ROBO2: variants seen among roughly 807,000 people sequenced by gnomAD.
ROBO2 encodes roundabout homolog 2.
ROBO2 carries 53 observed loss-of-function variants against 160.8 expected under a neutral mutation model. That is an observed-to-expected ratio of 0.33 (90% CI 0.26 to 0.41). The LOEUF (loss-of-function observed/expected upper bound fraction) is 0.41. Among genes scored for constraint, ROBO2 ranks in the 10% least tolerant of loss-of-function variants. The pLI is 1.00. For synonymous variants in ROBO2, 664 were observed against 611.7 expected (o/e 1.09, Z -1.26); for missense variants, 1,577 against 1,722.4 (o/e 0.92, Z 1.49).
intron 2 of ROBO2, among the ~76,000 whole-genome samples, chr3:76,648,894 A>G (rs948539186): frequency 2.6e-5 from 4 of 152,102 alleles, no homozygotes; most frequent in African/African-American, 9.6e-5. Flanking sequence ...TTTTATTTGT[A>G]AAATTAAAGT....
chr3:76,637,108 A>C (rs1210713156), intron 2 of ROBO2, among the ~76,000 whole-genome samples: 1 of 152,080 alleles, frequency 6.6e-6, no homozygotes, highest in Non-Finnish European at 1.5e-5. Flanking sequence ...GGTTATTTTA[A>C]CATCTCCAGC....
intron 2 of ROBO2, among the ~76,000 whole-genome samples, chr3:77,349,591 C>G (rs752661386): frequency 2.0e-4 from 31 of 152,090 alleles, no homozygotes; most frequent in Non-Finnish European, 3.8e-4. Flanking sequence ...AAAGAAAGAA[C>G]ATTTTAATAA....
intron 2 of ROBO2, among the ~76,000 whole-genome samples, chr3:76,266,749 G>A (rs1245800781): frequency 2.6e-5 from 4 of 152,054 alleles, no homozygotes; most frequent in African/African-American, 9.7e-5. Context: ...ATCTTAAACA[G>A]TGAATGACTG....
chr3:76,261,896 G>C (rs1440276525), intron 2 of ROBO2, among the ~76,000 whole-genome samples: 9 of 152,134 alleles, frequency 5.9e-5, no homozygotes, highest in Non-Finnish European at 1.2e-4. Context: ...GTATTTTATA[G>C]AACAGGTAGC....
At chr3:75,959,537 TA>T (rs199738647) in intron 2 of ROBO2, among the ~76,000 whole-genome samples, 1,927 of 151,942 alleles carry the variant, frequency 0.013, 19 homozygotes, top group Non-Finnish European at 0.022. Flanking sequence ...GAATTACTTA[TA>T]ATTTTTGTTT....
At chr3:77,448,894 CAT>C in intron 2 of ROBO2, among the ~76,000 whole-genome samples, 1 of 151,962 alleles carries the variant, frequency 6.6e-6, no homozygotes, top group Non-Finnish European at 1.5e-5. Context: ...AAAAAAATCA[CAT>C]GAGAAAGTGT....
intron 2 of ROBO2, among the ~76,000 whole-genome samples, chr3:77,193,315 G>A (rs1261057761): frequency 2.0e-5 from 3 of 151,776 alleles, no homozygotes; most frequent in African/African-American, 7.3e-5. Context: ...TTGTTCTGTT[G>A]TCCAGACCAG....
At chr3:77,219,468 GTATATATATATATATAATCTGTATATATA>G (rs2085466384) in intron 2 of ROBO2, among the ~76,000 whole-genome samples, 2 of 122,238 alleles carry the variant, frequency 1.6e-5, no homozygotes, top group African/African-American at 3.0e-5. Context: ...ATGTATCTGT[GTATATATATATATATAATCTGTATATATA>G]TATATATATA....
chr3:76,997,482 T>C (rs1160481276), intron 2 of ROBO2, among the ~76,000 whole-genome samples: 1 of 152,182 alleles, frequency 6.6e-6, no homozygotes, highest in East Asian at 1.9e-4. Context: ...GATCCTTCCG[T>C]ATGATGCTAA....
intron 2 of ROBO2, among the ~76,000 whole-genome samples, chr3:76,277,741 T>C: frequency 6.6e-6 from 1 of 151,956 alleles, no homozygotes. Context: ...AAATAATGAA[T>C]GCCTGAGTAA....
intron 2 of ROBO2, among the ~76,000 whole-genome samples, chr3:76,403,915 G>A (rs1013208653): frequency 6.6e-5 from 10 of 151,606 alleles, no homozygotes; most frequent in African/African-American, 9.7e-5. Context: ...TGAAATACAT[G>A]ATTTATGAGA....
chr3:76,088,081 A>G (rs2069090631), intron 2 of ROBO2, among the ~76,000 whole-genome samples: 1 of 152,112 alleles, frequency 6.6e-6, no homozygotes, highest in Non-Finnish European at 1.5e-5. Context: ...AGCTATATCA[A>G]TTTCAGACAG....
chr3:76,384,908 G>C (rs1032324777), intron 2 of ROBO2, among the ~76,000 whole-genome samples: 14 of 152,272 alleles, frequency 9.2e-5, no homozygotes, highest in African/African-American at 3.4e-4. Context: ...CCCTACCAGT[G>C]CATGAACATC....
intron 2 of ROBO2, among the ~76,000 whole-genome samples, chr3:77,328,851 C>G (rs1414731760): frequency 6.6e-6 from 1 of 152,184 alleles, no homozygotes; most frequent in Non-Finnish European, 1.5e-5. Context: ...AAGAATGCAT[C>G]CCATCTGATA....
At chr3:76,160,754 G>C (rs1447292436) in intron 2 of ROBO2, among the ~76,000 whole-genome samples, 1 of 152,062 alleles carries the variant, frequency 6.6e-6, no homozygotes, top group African/African-American at 2.4e-5. Flanking sequence ...GTCTTATCCT[G>C]AGTGCCTCAA....
At chr3:77,277,731 T>C (rs2059983045) in intron 2 of ROBO2, among the ~76,000 whole-genome samples, 1 of 152,208 alleles carries the variant, frequency 6.6e-6, no homozygotes, top group African/African-American at 2.4e-5. Flanking sequence ...ATTCCATGTC[T>C]CTGCTGTTGT....
chr3:76,196,780 G>A (rs1702282152), intron 2 of ROBO2, among the ~76,000 whole-genome samples: 1 of 152,000 alleles, frequency 6.6e-6, no homozygotes, highest in Non-Finnish European at 1.5e-5. Flanking sequence ...TTTTCCCAAG[G>A]CTCATAAAGC....
intron 2 of ROBO2, among the ~76,000 whole-genome samples, chr3:77,214,170 A>G (rs1414961047): frequency 6.6e-6 from 1 of 152,100 alleles, no homozygotes; most frequent in Admixed American, 6.5e-5. Flanking sequence ...TCTAATGTTG[A>G]CAGTGGGGTG....
intron 16 of ROBO2, among the ~76,000 whole-genome samples, chr3:77,584,364 C>T (rs2093989810): frequency 6.6e-6 from 1 of 152,036 alleles, no homozygotes; most frequent in Non-Finnish European, 1.5e-5. Flanking sequence ...TTCAGTTTTC[C>T]CTGCTTTTAT....
Sources: allele counts gnomAD v4.1 joint callset (sites outside exome capture counted in the v4.1 genomes callset), GRCh38; gene constraint gnomAD v4.1.1; transcripts MANE v1.5; gene names NCBI Gene and HGNC (gene_info 2026-07-23, HGNC 2026-07-21).